Variants in STPG2 observed in about 807,000 individuals in gnomAD.
The protein encoded by STPG2 is sperm-tail PG-rich repeat-containing protein 2.
STPG2 carries 56 observed loss-of-function variants against 54.2 expected under a neutral mutation model. That is an observed-to-expected ratio of 1.03 (90% confidence interval 0.83 to 1.29). The LOEUF (loss-of-function observed/expected upper bound fraction) is 1.29. Ranked by LOEUF, STPG2 falls within the 50% of genes most tolerant of loss-of-function variation. The pLI is 0.00. For missense variants in STPG2, 596 were observed against 544.9 expected (o/e 1.09, Z -0.93); for synonymous variants, 200 against 181.8 (o/e 1.10, Z -0.81).
chr4:97,968,868 C>G (rs1192086653), intron 7 of STPG2, among the ~76,000 whole-genome samples: 1 of 152,146 alleles, frequency 6.6e-6, no homozygotes, highest in African/African-American at 2.4e-5. Context: ...CCAGAATGAG[C>G]CAACAGCGCG....
intron 10 of STPG2, among the ~76,000 whole-genome samples, chr4:97,606,380 A>AT (rs1318574260): frequency 3.3e-5 from 5 of 151,890 alleles, no homozygotes; most frequent in African/African-American, 1.2e-4. Flanking sequence ...GTGAATACAT[A>AT]TTTTCTGCAA....
intron 10 of STPG2, among the ~76,000 whole-genome samples, chr4:97,704,210 A>G (rs2149000270): frequency 6.6e-6 from 1 of 152,186 alleles, no homozygotes; most frequent in South Asian, 2.1e-4. Context: ...TTAAGTTGAC[A>G]CTCAGTATTA....
chr4:97,962,713 C>A (rs1239343681), intron 7 of STPG2, among the ~76,000 whole-genome samples: 2 of 152,152 alleles, frequency 1.3e-5, no homozygotes, highest in Non-Finnish European at 2.9e-5. Flanking sequence ...TAGGTATGTA[C>A]TATTATGATC....
At chr4:97,774,643 C>T (rs771611167) in intron 9 of STPG2, among the ~76,000 whole-genome samples, 5 of 152,070 alleles carry the variant, frequency 3.3e-5, no homozygotes, top group Non-Finnish European at 7.4e-5. Context: ...TTCACTCTAA[C>T]AGTTAGGATT....
At chr4:97,712,866 G>T in intron 9 of STPG2, 52 bp from the exon 10 acceptor site, 1 of 1,317,960 alleles carries the variant, frequency 7.6e-7, no homozygotes, top group Non-Finnish European at 1.0e-6. Context: ...TAAAATTATT[G>T]ATTTTGGTCA....
rs1476065697 is a variant in STPG2, at chr4:97,814,876, G to A, written c.1204+25897C>T. Among the ~76,000 whole-genome samples the A allele has an allele frequency of 4.6e-5, 7 of 152,196 alleles. No individual in the cohort carries two copies. The South Asian group carries it at 6.2e-4, about 14-fold the overall frequency. On this transcript the variant is annotated intron_variant, in intron 9 of 10. Transcript: ENST00000295268. Reference sequence around the variant, plus strand: ...GACTGACTTCCGTGCTCTTCAGCTTGCAGAGAGCCTATTGTGGGACCCTGT... The same window carrying A: ...GACTGACTTCCGTGCTCTTCAGCTTACAGAGAGCCTATTGTGGGACCCTGT...
At chr4:97,539,505 T>C (rs1385059862) in intron 4 of STPG2, among the ~76,000 whole-genome samples, 1 of 152,200 alleles carries the variant, frequency 6.6e-6, no homozygotes, top group East Asian at 1.9e-4. Context: ...ATCGTAAATA[T>C]TTATGCACCC....
At chr4:98,139,708 T>C (rs936978418) in intron 1 of STPG2, among the ~76,000 whole-genome samples, 1 of 152,182 alleles carries the variant, frequency 6.6e-6, no homozygotes, top group African/African-American at 2.4e-5. Flanking sequence ...GCTGCTCAAA[T>C]TTCCCCAGCA....
At chr4:97,535,928 T>C (rs1731518531) in intron 4 of STPG2, among the ~76,000 whole-genome samples, 2 of 152,218 alleles carry the variant, frequency 1.3e-5, no homozygotes, top group African/African-American at 4.8e-5. Flanking sequence ...ATCTGTGTTT[T>C]TCTCTCTAGG....
At chr4:97,992,530 T>C (rs1393071463) in intron 5 of STPG2, among the ~76,000 whole-genome samples, 3 of 152,170 alleles carry the variant, frequency 2.0e-5, no homozygotes, top group Non-Finnish European at 4.4e-5. Flanking sequence ...AGTCGAGTAA[T>C]GTAATGCCTT....
intron 4 of STPG2, among the ~76,000 whole-genome samples, chr4:97,479,989 T>C (rs2148820210): frequency 6.6e-6 from 1 of 151,906 alleles, no homozygotes; most frequent in Non-Finnish European, 1.5e-5. Context: ...GAAAAACTAT[T>C]TTGCACACTT....
chr4:98,092,208 C>A (rs772013475), intron 5 of STPG2, among the ~76,000 whole-genome samples: 14 of 152,020 alleles, frequency 9.2e-5, no homozygotes, highest in Non-Finnish European at 2.1e-4. Context: ...ATAATTCAAC[C>A]CTTCCATCTT....
intron 4 of STPG2, among the ~76,000 whole-genome samples, chr4:97,494,043 A>T (rs961093039): frequency 2.6e-5 from 4 of 151,436 alleles, no homozygotes; most frequent in African/African-American, 9.7e-5. Context: ...ATTCAACACA[A>T]AAAAACGTTT....
chr4:97,962,507 A>T (rs1165826557), intron 7 of STPG2, among the ~76,000 whole-genome samples: 1 of 152,238 alleles, frequency 6.6e-6, no homozygotes, highest in African/African-American at 2.4e-5. Flanking sequence ...CTGAATTTTT[A>T]AAAATCAGAC....
At chr4:97,934,468 TC>T (rs1040563507) in intron 8 of STPG2, among the ~76,000 whole-genome samples, 3 of 152,192 alleles carry the variant, frequency 2.0e-5, no homozygotes, top group Admixed American at 2.0e-4. Flanking sequence ...TCCAGCTTTT[TC>T]CCACTCAGTA....
chr4:97,904,697 T>A (rs1001744184), intron 8 of STPG2, among the ~76,000 whole-genome samples: 5 of 152,250 alleles, frequency 3.3e-5, no homozygotes, highest in African/African-American at 1.2e-4. Context: ...GCAAAGAAGT[T>A]GAAAACTTTG....
At chr4:97,492,059 C>G (rs181110410) in intron 4 of STPG2, among the ~76,000 whole-genome samples, 1 of 151,384 alleles carries the variant, frequency 6.6e-6, no homozygotes, top group South Asian at 2.1e-4. Flanking sequence ...AATGCTATAG[C>G]AATTTTCTCT....
chr4:97,735,392 G>C (rs1007786906), intron 9 of STPG2, among the ~76,000 whole-genome samples: 2 of 151,340 alleles, frequency 1.3e-5, no homozygotes, highest in African/African-American at 4.8e-5. Context: ...GTACTTTAGA[G>C]ACTCAGAAGG....
At chr4:97,518,248 C>G (rs966169375) in intron 4 of STPG2, among the ~76,000 whole-genome samples, 2 of 152,018 alleles carry the variant, frequency 1.3e-5, no homozygotes, top group Non-Finnish European at 2.9e-5. Flanking sequence ...TGTAAATACT[C>G]AAGTATTCCT....
Sources: gnomAD v4.1 joint callset for allele counts (sites outside exome capture counted in the v4.1 genomes callset) on GRCh38, gnomAD v4.1.1 for gene constraint, MANE v1.5 for transcripts, NCBI Gene and HGNC (gene_info 2026-07-23, HGNC 2026-07-21) for gene names.